Variants in DSP observed in about 807,000 individuals in gnomAD.
The protein encoded by DSP is 250/210 kDa paraneoplastic pemphigus antigen.
Under a neutral mutation model 290.6 loss-of-function variants are expected in DSP, and 114 were observed. That is an observed-to-expected ratio of 0.39 (90% confidence interval 0.34 to 0.46). DSP has a LOEUF of 0.46. Among genes scored for constraint, DSP ranks in the 20% least tolerant of loss-of-function variants. The pLI is 0.99. For missense variants in DSP, 3,230 were observed against 3,495.8 expected (o/e 0.92, Z 1.92); for synonymous variants, 1,311 against 1,316.4 (o/e 1.00, Z 0.09).
chr6:7,575,209 C>CT, intron 17 of DSP, 86 bp from the exon 18 acceptor site: 1 of 1,371,118 alleles, frequency 7.3e-7, no homozygotes, highest in Non-Finnish European at 1.0e-6. Context: ...GTTTTATAAA[C>CT]TTTGCCGCCC....
chr6:7,564,059 A>C (rs745658609), intron 6 of DSP, among the ~76,000 whole-genome samples: 1 of 152,164 alleles, frequency 6.6e-6, no homozygotes, highest in Non-Finnish European at 1.5e-5. Flanking sequence ...TGGCCTTCCA[A>C]AGTGCTGGGA....
At chr6:7,557,886 C>T (rs1758548439) in intron 2 of DSP, among the ~76,000 whole-genome samples, 2 of 152,140 alleles carry the variant, frequency 1.3e-5, no homozygotes, top group African/African-American at 4.8e-5. Flanking sequence ...GGAAGGTTAG[C>T]ATTCAGCAAA....
At chr6:7,564,314 C>G (rs1758793022) in intron 6 of DSP, among the ~76,000 whole-genome samples, 1 of 152,198 alleles carries the variant, frequency 6.6e-6, no homozygotes, top group African/African-American at 2.4e-5. Context: ...TCAGTCATAT[C>G]AGTTACTTGA....
rs778603023 is a variant in DSP, at chr6:7,580,938, C to T, written c.4748C>T (p.Thr1583Ile). ...GAGGAGCTGAATCGGCTGAAGAGGA[C>T]CGCGTCAGAAGACTCCTGCAAGAGG... ...VEEELNRLKR[T>I]ASEDSCKRKK... Residue 1583 changes from threonine (T) to isoleucine (I), a missense_variant, in exon 23 of 24, where the codon ACC (threonine) becomes ATC (isoleucine). Thr to Ile is a moderately conservative substitution (Grantham distance 89). This residue lies in a region of DSP where 1,714 missense variants were observed against 1,844.5 expected (regional missense o/e 0.93). Coordinates refer to ENST00000379802, the MANE Select transcript of DSP (RefSeq NM_004415.4). This position sits in a 1 kb window ranked among gnomAD's most constrained non-coding sequence, Gnocchi z 4.2. 6.2e-7 allele frequency: 1 copy of T among 1,614,098 alleles called. No individual in the cohort carries two copies.
rs764734888 is a variant in DSP, at chr6:7,585,631, A to G, written c.8369A>G (p.Asn2790Ser). 6 of 1,614,074 alleles carry G rather than the reference A, an allele frequency of 3.7e-6. No individual in the cohort carries two copies. Among genetic ancestry groups the G allele is most frequent in the Admixed American group, 1.7e-5 (1 of 60,014 alleles). Residue 2790 changes from asparagine (N) to serine (S), a missense_variant, in exon 24 of 24, where the codon AAT becomes AGT. Around this residue, in one of 5 missense-constraint regions of DSP, gnomAD observed 582 missense variants for 555.4 expected, o/e 1.05. Coordinates refer to ENST00000379802, the MANE Select transcript of DSP (RefSeq NM_004415.4). ...KLKISYKDAI[N>S]RSMVEDITGL... is the part of the protein sequence containing the mutation. ...AAAATATCCTATAAGGATGCCATAA[A>G]TCGCTCCATGGTAGAAGATATCACT...
In DSP at chr6:7,585,922, G is replaced by GAAGTC; in HGVS notation, c.*46_*47insGTCAA. On this transcript the variant is annotated 3_prime_UTR_variant, in exon 24 of 24. Coordinates refer to ENST00000379802, the MANE Select transcript of DSP (RefSeq NM_004415.4). ...TGCTATACCTTGACTTCATTTATAT[G>GAAGTC]AATTTCCACTTTATTAAATAATAGA... 1 of 1,571,972 alleles carries GAAGTC rather than the reference G, an allele frequency of 6.4e-7. No individual in the cohort carries two copies. The highest frequency in any genetic ancestry group is 8.7e-7 in the Non-Finnish European group (1 of 1,145,774).
Position 7,586,013 on chromosome 6 carries a change from G to T in DSP, c.*135G>T. On this transcript the variant is annotated 3_prime_UTR_variant, in exon 24 of 24. Transcript: ENST00000379802. ...CTATGCTTACAGAAAATATAGCCAT[G>T]ATTGAAATCAAATAGTAAAGGCTGT... The T allele has an allele frequency of 2.1e-6, 2 of 932,014 alleles. No homozygotes were observed. Among genetic ancestry groups the T allele is most frequent in the Non-Finnish European group, 3.3e-6 (2 of 608,982 alleles). The allele number at this position is 932,014 out of a possible 1,614,324, so 57.7% of individuals were successfully genotyped here. A position where few individuals can be genotyped will look rare whatever the true frequency, so the allele number is the denominator to read the frequency against.
intron 1 of DSP, among the ~76,000 whole-genome samples, chr6:7,542,792 C>G (rs1014126087): frequency 1.3e-5 from 2 of 152,328 alleles, no homozygotes; most frequent in South Asian, 4.1e-4. Flanking sequence ...CGCGCCGCAG[C>G]CCCCGCGGGC....
At chr6:7,560,151 C>G (rs531026144) in intron 4 of DSP, among the ~76,000 whole-genome samples, 1 of 152,306 alleles carries the variant, frequency 6.6e-6, no homozygotes, top group South Asian at 2.1e-4. Context: ...ACTCCTAACC[C>G]TTCCCTTGAG....
Position 7,585,623 on chromosome 6 carries a change from T to C in DSP, c.8361T>C (p.Asp2787=). The C allele has an allele frequency of 6.2e-7, 1 of 1,614,212 alleles. No individual in the cohort carries two copies. The highest frequency in any genetic ancestry group is 1.3e-5 in the African/African-American group (1 of 75,046). The change falls in exon 24 of 24, where the codon GAT becomes GAC. Residue 2787 remains aspartate, a synonymous_variant. Coordinates refer to ENST00000379802, the MANE Select transcript of DSP (RefSeq NM_004415.4). ...CCAAATTAAAAATATCCTATAAGGA[T>C]GCCATAAATCGCTCCATGGTAGAAG... ...PKTKLKISYK[D]AINRSMVEDI...
Position 7,582,238 on chromosome 6 carries a change from A to C in DSP, c.5380-404A>C, listed in dbSNP as rs867060467. Among the ~76,000 whole-genome samples the C allele has an allele frequency of 4.7e-5, 7 of 147,808 alleles. No homozygotes were observed. Among genetic ancestry groups the C allele is most frequent in the Middle Eastern group, 7.2e-3 (2 of 278 alleles). On this transcript the variant is annotated intron_variant, in intron 23 of 23. Transcript: ENST00000379802. The surrounding 1 kb of genome is among the most constrained non-coding windows in gnomAD (Gnocchi z 4.2). Reference sequence around the variant, plus strand: ...TTTATCTATAATATATATTTTATATAATATATATCTTCATATATTTGTATT... The same window carrying C: ...TTTATCTATAATATATATTTTATATCATATATATCTTCATATATTTGTATT...
chr6:7,542,556 C>T (rs1461597073), intron 1 of DSP, among the ~76,000 whole-genome samples: 2 of 152,208 alleles, frequency 1.3e-5, no homozygotes. Flanking sequence ...TCTACCGGCT[C>T]ACCCCCAATC....
rs1262920454 is a variant in DSP at position 7,584,815 on chromosome 6, T to C, written c.7553T>C (p.Val2518Ala). The change falls in exon 24 of 24, where the codon GTC (valine) becomes GCC (alanine). Residue 2518 changes from valine (V) to alanine (A), a missense_variant. By Grantham distance (64) the Val-to-Ala change is moderately conservative. This residue lies in a region of DSP where 582 missense variants were observed against 555.4 expected (regional missense o/e 1.05). Transcript: ENST00000379802. The surrounding 1 kb of genome is among the most constrained non-coding windows in gnomAD (Gnocchi z 6.4). Reference sequence around the variant, plus strand: ...GGATCAGATGGCTCCACCAGGGTGGTCCTGGTAGATAGAAAGACAGGCAGT... The same window carrying C: ...GGATCAGATGGCTCCACCAGGGTGGCCCTGGTAGATAGAAAGACAGGCAGT... ...ITGSDGSTRV[V>A]LVDRKTGSQY... 1.2e-6 allele frequency: 2 copies of C among 1,614,078 alleles called. No homozygotes were observed. The highest frequency in any genetic ancestry group is 1.7e-6 in the Non-Finnish European group (2 of 1,180,008).
chr6:7,548,547 GAT>G (rs1337023991), intron 1 of DSP, among the ~76,000 whole-genome samples: 1 of 152,212 alleles, frequency 6.6e-6, no homozygotes, highest in African/African-American at 2.4e-5. Context: ...TGAAGTTAAT[GAT>G]ATGTGATCAG....
intron 23 of DSP, 123 bp downstream of exon 23, chr6:7,581,692 T>C (rs1413131860): frequency 3.7e-6 from 5 of 1,359,336 alleles, no homozygotes; most frequent in Non-Finnish European, 5.0e-6. Flanking sequence ...TTTTTCTTTT[T>C]ATTGCTCTAC....
chr6:7,582,528 T>A lies in DSP; in HGVS notation c.5380-114T>A. 1 of 1,002,086 alleles carries A rather than the reference T, an allele frequency of 1.0e-6. No homozygotes were observed. Among genetic ancestry groups the A allele is most frequent in the South Asian group, 1.6e-5 (1 of 63,804 alleles). The allele number at this position is 1,002,086 out of a possible 1,614,324, so 62.1% of individuals were successfully genotyped here. On this transcript the variant is annotated intron_variant, in intron 23 of 23. Transcript: ENST00000379802. The surrounding 1 kb of genome is among the most constrained non-coding windows in gnomAD (Gnocchi z 4.2). ...CCAGGGACAATATAGAAAGAAAAAA[T>A]AAGCAAGGCTTTTTTTTTTAAAGAT... is the stretch of plus-strand genomic sequence containing the variant.
In DSP at chr6:7,585,490, G is replaced by A; in HGVS notation, c.8228G>A (p.Gly2743Glu). ...GGTCTTGTTGACCCGGAAGTGCATG[G>A]GAGGATAAGCACCGAAGAAGCCATC... ...TGGLVDPEVH[G>E]RISTEEAIRK... The change falls in exon 24 of 24, where the codon GGG becomes GAG. Residue 2743 changes from glycine to glutamate, a missense_variant. This residue lies in a region of DSP where 582 missense variants were observed against 555.4 expected (regional missense o/e 1.05). Transcript: ENST00000379802. 6.2e-7 allele frequency: 1 copy of A among 1,614,178 alleles called. No individual in the cohort carries two copies. Among genetic ancestry groups the A allele is most frequent in the Non-Finnish European group, 8.5e-7 (1 of 1,180,034 alleles).
chr6:7,585,352 G>T lies in DSP; in HGVS notation c.8090G>T (p.Gly2697Val). ...RLKPAQKAFI[G>V]FEGVKGKKKM... ...AAGCCTGCTCAGAAAGCCTTCATAGGCTTCGAGGGTGTGAAGGGAAAGAAG... is the reference window on the plus strand; with the variant it reads ...AAGCCTGCTCAGAAAGCCTTCATAGTCTTCGAGGGTGTGAAGGGAAAGAAG... The change falls in exon 24 of 24, where the codon GGC becomes GTC. Residue 2697 changes from glycine (G) to valine (V), a missense_variant. Gly to Val is a moderately radical substitution (Grantham distance 109, BLOSUM62 -3). Transcript: ENST00000379802. The T allele has an allele frequency of 6.2e-7, 1 of 1,614,100 alleles. No homozygotes were observed. Among genetic ancestry groups the T allele is most frequent in the Non-Finnish European group, 8.5e-7 (1 of 1,179,980 alleles).
chr6:7,558,343 C>T, intron 3 of DSP, 79 bp downstream of exon 3: 2 of 1,549,948 alleles, frequency 1.3e-6, no homozygotes, highest in Non-Finnish European at 1.7e-6. Context: ...ATTCCATGAC[C>T]CAGGGCTTCC....
Sources: allele counts gnomAD v4.1 joint callset (sites outside exome capture counted in the v4.1 genomes callset), GRCh38; gene constraint gnomAD v4.1.1; regional missense constraint gnomAD v4.1.1; non-coding constraint Gnocchi (gnomAD v3.1); transcripts MANE v1.5; gene names NCBI Gene and HGNC (gene_info 2026-07-23, HGNC 2026-07-21).